The following LUZP1 variants were observed in gnomAD, a reference collection of about 807,000 sequenced individuals.
LUZP1 encodes leucine zipper protein 1.
LUZP1 carries 25 observed loss-of-function variants against 71.3 expected under a neutral mutation model. That is an observed-to-expected ratio of 0.35 (90% confidence interval 0.26 to 0.49). The LOEUF is 0.49. LUZP1 is among the 20% of genes least tolerant of loss of function. The pLI, the probability that LUZP1 is intolerant of heterozygous loss-of-function variation, is 0.99. For synonymous variants in LUZP1, 481 were observed against 506.4 expected (o/e 0.95, Z 0.67); for missense variants, 1,142 against 1,300.8 (o/e 0.88, Z 1.88).
intron 2 of LUZP1, among the ~76,000 whole-genome samples, chr1:23,148,447 C>T (rs918556731): frequency 6.6e-6 from 1 of 152,182 alleles, no homozygotes; most frequent in African/African-American, 2.4e-5. Flanking sequence ...ATTTGCTTTA[C>T]TAAATTTGTA....
chr1:23,155,528 T>A lies in LUZP1; in HGVS notation c.-226+13238A>T, dbSNP rs1339840650. 2.0e-5 allele frequency among the ~76,000 whole-genome samples: 3 copies of A among 152,218 alleles called. No individual in the cohort carries two copies. The East Asian group carries it at 5.8e-4, about 29-fold the overall frequency. ...TTATCCTCATTAATATCTACCCTAA[T>A]GGGTTGCTGAAAAGAGATTAAATAA... On this transcript the variant is annotated intron_variant, in intron 2 of 4. Coordinates refer to ENST00000302291, the Ensembl canonical transcript of LUZP1.
chr1:23,092,930 C>T, exon 4 of LUZP1: 1 of 1,614,014 alleles, frequency 6.2e-7, no homozygotes, highest in Non-Finnish European at 8.5e-7. Flanking sequence ...TCTCCTGAGT[C>T]CCACTGTCTG....
upstream of LUZP1, chr1:23,177,809 G>T (rs1219149543): frequency 1.3e-5 from 2 of 152,194 alleles, no homozygotes; most frequent in Non-Finnish European, 2.9e-5. Context: ...GCGCGCTCTC[G>T]GCCTTTCCCA....
intron 2 of LUZP1, among the ~76,000 whole-genome samples, chr1:23,156,615 T>C (rs537668968): frequency 1.3e-5 from 2 of 152,314 alleles, no homozygotes; most frequent in East Asian, 3.9e-4. Context: ...AATTGTAATA[T>C]GGGTCATATT....
At chr1:23,128,935 T>A (rs1204595463) in intron 2 of LUZP1, among the ~76,000 whole-genome samples, 1 of 152,242 alleles carries the variant, frequency 6.6e-6, no homozygotes, top group East Asian at 1.9e-4. Flanking sequence ...GCGGAGCCAA[T>A]AAACATTAAC....
chr1:23,165,812 T>A (rs553831462), intron 2 of LUZP1, among the ~76,000 whole-genome samples: 1 of 152,278 alleles, frequency 6.6e-6, no homozygotes, highest in East Asian at 1.9e-4. Context: ...CCCTAAAAGC[T>A]GTATTACATG....
At chr1:23,157,607 A>T (rs1245614777) in intron 2 of LUZP1, among the ~76,000 whole-genome samples, 1 of 152,130 alleles carries the variant, frequency 6.6e-6, no homozygotes, top group East Asian at 1.9e-4. Flanking sequence ...CCTGGACAAC[A>T]CAGTGAAACC....
chr1:23,163,502 G>A (rs562534932), intron 2 of LUZP1, among the ~76,000 whole-genome samples: 2 of 148,264 alleles, frequency 1.3e-5, no homozygotes, highest in East Asian at 4.0e-4. Context: ...GCTGCTGTGA[G>A]CTATGACTGC....
intron 2 of LUZP1, among the ~76,000 whole-genome samples, chr1:23,145,692 A>G (rs1201854434): frequency 6.6e-6 from 1 of 151,940 alleles, no homozygotes; most frequent in Non-Finnish European, 1.5e-5. Context: ...GCTGGTCTCG[A>G]ACTCCTGACC....
chr1:23,175,634 A>C (rs2148228322), intron 1 of LUZP1, among the ~76,000 whole-genome samples: 1 of 152,184 alleles, frequency 6.6e-6, no homozygotes, highest in East Asian at 1.9e-4. Flanking sequence ...GCATCCCTCC[A>C]TTCCTTTACA....
Position 23,094,316 on chromosome 1 carries a change from TGA to T in LUZP1, c.-57_-56del. 2.0e-6 allele frequency: 3 copies of T among 1,518,400 alleles called. No homozygotes were observed. The South Asian group carries it at 4.1e-5, about 21-fold the overall frequency. 94.1% of individuals were successfully genotyped at this position (1,518,400 alleles called of 1,614,324 possible). ...AGGCATCCAATTCCACTCAAGGGGA[TGA>T]GAAATGGTTACCTTTCTCTTGGCAA... is the stretch of plus-strand genomic sequence containing the variant. On this transcript the variant is annotated 5_prime_UTR_variant, in exon 4 of 5. The change creates a premature stop within an existing upstream ORF in the 5' untranslated region. Transcript: ENST00000302291. This position sits in a 1 kb window ranked among gnomAD's most constrained non-coding sequence, Gnocchi z 4.7.
chr1:23,127,212 GTTA>G (rs1414311642), intron 2 of LUZP1, among the ~76,000 whole-genome samples: 1 of 152,162 alleles, frequency 6.6e-6, no homozygotes, highest in Non-Finnish European at 1.5e-5. Context: ...TTCTATAAGA[GTTA>G]TTATTCTCAT....
At chr1:23,107,594 A>G (rs999309277) in intron 3 of LUZP1, among the ~76,000 whole-genome samples, 7 of 152,178 alleles carry the variant, frequency 4.6e-5, no homozygotes, top group Non-Finnish European at 1.0e-4. Context: ...TGAGGTCAGG[A>G]GTTCAAGACC....
At chr1:23,153,909 A>C (rs1644402008) in intron 2 of LUZP1, among the ~76,000 whole-genome samples, 1 of 151,932 alleles carries the variant, frequency 6.6e-6, no homozygotes, top group African/African-American at 2.4e-5. Context: ...GTGAGACTCT[A>C]TCACACACAC....
chr1:23,160,444 T>C (rs1309320750), intron 2 of LUZP1, among the ~76,000 whole-genome samples: 3 of 152,214 alleles, frequency 2.0e-5, no homozygotes, highest in Admixed American at 6.5e-5. Context: ...CTCTGCATAG[T>C]TAATTCTACA....
intron 2 of LUZP1, among the ~76,000 whole-genome samples, chr1:23,123,264 C>T (rs1370219268): frequency 6.6e-6 from 1 of 151,990 alleles, no homozygotes; most frequent in African/African-American, 2.4e-5. Flanking sequence ...GAGGCCGAGG[C>T]GGGGGGATCC....
At chr1:23,171,198 C>A (rs1211789470) in intron 1 of LUZP1, among the ~76,000 whole-genome samples, 1 of 151,750 alleles carries the variant, frequency 6.6e-6, no homozygotes, top group African/African-American at 2.4e-5. Flanking sequence ...CACCACACAG[C>A]ACCTCATAAC....
At chr1:23,090,441 G>C (rs1263719673) in intron 4 of LUZP1, 1 of 171,464 alleles carries the variant, frequency 5.8e-6, no homozygotes, top group Admixed American at 5.7e-5. Context: ...GGTCCAAGAA[G>C]TTTTTCATCA....
intron 2 of LUZP1, among the ~76,000 whole-genome samples, chr1:23,163,229 G>A (rs1360131211): frequency 2.5e-4 from 33 of 131,216 alleles, no homozygotes; most frequent in Non-Finnish European, 4.4e-4. Context: ...GACAGGGTGA[G>A]ACTCTCTCAA....
Sources: gnomAD v4.1 joint callset for allele counts (sites outside exome capture counted in the v4.1 genomes callset) on GRCh38, gnomAD v4.1.1 for gene constraint, Gnocchi (gnomAD v3.1) non-coding constraint, MANE v1.5 for transcripts, NCBI Gene and HGNC (gene_info 2026-07-23, HGNC 2026-07-21) for gene names.